PDK3: variants seen among roughly 807,000 people sequenced by gnomAD.
PDK3 encodes pyruvate dehydrogenase kinase 3.
In PDK3, 12 loss-of-function variants were observed where a neutral mutation model predicts 32.0. The ratio of observed to expected loss-of-function variants is 0.37; its 90% CI spans 0.24 to 0.61. The LOEUF is 0.61. PDK3 is among the 20% of genes least tolerant of loss of function. The probability of loss-of-function intolerance (pLI) is 0.65; values close to 1 mark genes in which losing one functional copy is unlikely to be tolerated. For synonymous variants in PDK3, 122 were observed against 116.3 expected, an observed-to-expected ratio of 1.05 and a Z score of -0.31; for missense variants, 188 against 316.9, an observed-to-expected ratio of 0.59 and a Z score of 3.09.
chrX:24,468,964 G>T (rs904284253), intron 1 of PDK3, among the ~76,000 whole-genome samples: 2 of 111,461 alleles, frequency 1.8e-5, no homozygotes, highest in Admixed American at 9.5e-5. Context: ...CCCTTTTTTC[G>T]CATAAATGGC....
Position 24,534,139 on chromosome X carries a change from C to A in PDK3, c.*67C>A. The A allele has an allele frequency of 9.1e-7, 1 of 1,097,995 alleles. No individual in the cohort carries two copies. The highest frequency in any genetic ancestry group is 1.2e-6 in the Non-Finnish European group (1 of 835,483). The allele number at this position is 1,097,995 out of a possible 1,213,427, so 90.5% of individuals were successfully genotyped here. On this transcript the variant is annotated 3_prime_UTR_variant, in exon 11 of 11. Transcript: ENST00000379162. ...GAATAAAGGTGTCCCACTCACTGTT[C>A]CAGGAATTCTTGCAGTGTAGAGGTA...
chrX:24,512,673 G>T (rs967992519), intron 5 of PDK3, among the ~76,000 whole-genome samples: 2 of 111,470 alleles, frequency 1.8e-5, no homozygotes, highest in African/African-American at 6.5e-5. Flanking sequence ...TGAGACAGGA[G>T]AATCGCTTCA....
exon 12 of PDK3, among the ~76,000 whole-genome samples, chrX:24,541,532 T>G (rs1265457413): frequency 8.9e-6 from 1 of 112,418 alleles, no homozygotes; most frequent in African/African-American, 3.2e-5. Flanking sequence ...CGGTAGTTCT[T>G]TACTAGCACG....
chrX:24,524,476 T>C (rs1300827163), intron 6 of PDK3, among the ~76,000 whole-genome samples: 1 of 110,862 alleles, frequency 9.0e-6, no homozygotes, highest in Non-Finnish European at 1.9e-5. Flanking sequence ...GTTGGAGGAG[T>C]ATAAAGAAAC....
chrX:24,502,792 C>T (rs763225208), intron 3 of PDK3, among the ~76,000 whole-genome samples: 4 of 110,554 alleles, frequency 3.6e-5, no homozygotes, highest in Non-Finnish European at 7.6e-5. Context: ...TGCAGTGAGC[C>T]GAGATCACAC....
At chrX:24,465,709 C>CG (rs1324969084) in intron 1 of PDK3, 148 bp downstream of exon 1, 1 of 468,045 alleles carries the variant, frequency 2.1e-6, no homozygotes, top group East Asian at 4.0e-5. Context: ...GCTCGGATTT[C>CG]GGGGCGCGGA....
chrX:24,511,226 G>T, intron 5 of PDK3, among the ~76,000 whole-genome samples: 1 of 112,622 alleles, frequency 8.9e-6, no homozygotes, highest in East Asian at 2.8e-4. Flanking sequence ...TTGACTCTTA[G>T]TGAAGTCTTA....
intron 6 of PDK3, among the ~76,000 whole-genome samples, chrX:24,523,270 C>G (rs1167950762): frequency 8.9e-6 from 1 of 112,522 alleles, no homozygotes; most frequent in African/African-American, 3.2e-5. Context: ...ACCTAATCAC[C>G]TCTCACAGGC....
At chrX:24,548,967 C>A (rs928452985) in exon 12 of PDK3, 1 of 111,900 alleles carries the variant, frequency 8.9e-6, no homozygotes, top group Non-Finnish European at 1.9e-5. Context: ...TTTTTGTCAT[C>A]TGAACTGTTA....
At chrX:24,483,696 G>T (rs1229329580) in intron 1 of PDK3, among the ~76,000 whole-genome samples, 1 of 111,631 alleles carries the variant, frequency 9.0e-6, no homozygotes, top group African/African-American at 3.3e-5. Context: ...TTAATTTTCA[G>T]TTGCGATCCG....
At chrX:24,479,407 G>A (rs769352124) in intron 1 of PDK3, among the ~76,000 whole-genome samples, 2 of 111,900 alleles carry the variant, frequency 1.8e-5, no homozygotes, top group South Asian at 3.7e-4. Flanking sequence ...ATTCTCTACC[G>A]TGTTATCTCT....
At chrX:24,478,836 C>T (rs1168740835) in intron 1 of PDK3, among the ~76,000 whole-genome samples, 4 of 112,119 alleles carry the variant, frequency 3.6e-5, no homozygotes, top group Non-Finnish European at 7.5e-5. Flanking sequence ...ATCTATGATT[C>T]TCCTTAACCA....
exon 12 of PDK3, among the ~76,000 whole-genome samples, chrX:24,543,660 G>A (rs1922937556): frequency 9.0e-6 from 1 of 110,616 alleles, no homozygotes; most frequent in Non-Finnish European, 1.9e-5. Context: ...TGTTGCCCAG[G>A]CTGGTCTCAA....
At chrX:24,508,250 A>C (rs1321070227) in intron 5 of PDK3, among the ~76,000 whole-genome samples, 1 of 110,331 alleles carries the variant, frequency 9.1e-6, no homozygotes, top group African/African-American at 3.3e-5. Context: ...AAACAACCAG[A>C]TCTCGTGGGA....
chrX:24,498,873 G>A lies in PDK3; in HGVS notation c.293G>A (p.Ser98Asn). The A allele has an allele frequency of 8.7e-7, 1 of 1,146,477 alleles. No individual in the cohort carries two copies. The highest frequency in any genetic ancestry group is 2.0e-5 in the South Asian group (1 of 51,179). The allele number at this position is 1,146,477 out of a possible 1,213,427, so 94.5% of individuals were successfully genotyped here. ...FLELLEYENK[S>N]PEDPQVLDNF... ...GAACTTTTAGAATATGAAAATAAGA[G>A]CCCTGAGGATCCACAGGTCTTGGAT... is the stretch of plus-strand genomic sequence containing the variant. Residue 98 changes from serine to asparagine, a missense_variant, in exon 3 of 11, where the codon AGC becomes AAC. By Grantham distance (46) the Ser-to-Asn change is conservative. Transcript: ENST00000379162.
chrX:24,522,044 T>C (rs1922411169), intron 6 of PDK3, among the ~76,000 whole-genome samples: 1 of 112,123 alleles, frequency 8.9e-6, no homozygotes, highest in African/African-American at 3.2e-5. Context: ...TGCTTTTTTA[T>C]TCTGGAAGGA....
At chrX:24,540,446 T>C (rs1276553694) in exon 12 of PDK3, among the ~76,000 whole-genome samples, 1 of 112,143 alleles carries the variant, frequency 8.9e-6, no homozygotes, top group East Asian at 2.8e-4. Flanking sequence ...AAACCATTCA[T>C]CCTGCTTTAG....
intron 9 of PDK3, 99 bp downstream of exon 9, chrX:24,528,285 G>T: frequency 2.1e-6 from 1 of 473,038 alleles, no homozygotes; most frequent in South Asian, 3.4e-5. Context: ...TAGTGTAGTT[G>T]ATTTAGAAGG....
At chrX:24,469,181 C>T (rs1920969240) in intron 1 of PDK3, among the ~76,000 whole-genome samples, 1 of 111,898 alleles carries the variant, frequency 8.9e-6, no homozygotes, top group Non-Finnish European at 1.9e-5. Context: ...GCAACCTGCC[C>T]TCCAGTGAAT....
Sources: allele counts gnomAD v4.1 joint callset (sites outside exome capture counted in the v4.1 genomes callset), GRCh38; gene constraint gnomAD v4.1.1; transcripts MANE v1.5; gene names NCBI Gene and HGNC (gene_info 2026-07-23, HGNC 2026-07-21).